Variants in VGLL4 observed in about 807,000 individuals in gnomAD.
VGLL4 encodes vestigial like family member 4, also known as transcription cofactor vestigial-like protein 4.
Under a neutral mutation model 21.0 loss-of-function variants are expected in VGLL4, and 7 were observed. The ratio of observed to expected loss-of-function variants is 0.33; its 90% CI spans 0.19 to 0.63. The LOEUF is 0.63. Ranked by LOEUF, VGLL4 falls within the 20% of genes least tolerant of loss-of-function variation. The probability of loss-of-function intolerance (pLI) is 0.78; values close to 1 mark genes in which losing one functional copy is unlikely to be tolerated. For synonymous variants in VGLL4, 222 were observed against 173.2 expected (o/e 1.28, Z -2.21); for missense variants, 394 against 425.7 (o/e 0.93, Z 0.66).
chr3:11,589,881 T>C (rs1019505712), intron 2 of VGLL4, among the ~76,000 whole-genome samples: 3 of 152,170 alleles, frequency 2.0e-5, no homozygotes, highest in South Asian at 2.1e-4. Context: ...GAAACCCTCA[T>C]CACCTCCCAA....
chr3:11,616,651 A>G (rs1326807838), intron 1 of VGLL4, among the ~76,000 whole-genome samples: 1 of 152,238 alleles, frequency 6.6e-6, no homozygotes, highest in Non-Finnish European at 1.5e-5. Flanking sequence ...TAAAAGGCTA[A>G]TTGTTGAATC....
At chr3:11,588,264 T>G (rs567291191) in intron 2 of VGLL4, among the ~76,000 whole-genome samples, 1 of 152,282 alleles carries the variant, frequency 6.6e-6, no homozygotes, top group Non-Finnish European at 1.5e-5. Flanking sequence ...TGGTGGAACT[T>G]GTAGACCAGG....
intron 2 of VGLL4, among the ~76,000 whole-genome samples, chr3:11,658,127 G>C (rs2075982789): frequency 6.6e-6 from 1 of 152,050 alleles, no homozygotes; most frequent in East Asian, 1.9e-4. Flanking sequence ...TAGAGATTGT[G>C]TCTGGCCACG....
At chr3:11,573,847 G>C (rs543695679) in intron 2 of VGLL4, among the ~76,000 whole-genome samples, 86 of 152,328 alleles carry the variant, frequency 5.6e-4, no homozygotes, top group South Asian at 1.0e-3. Context: ...ATCTGAAATA[G>C]GGTCTTTACC....
chr3:11,613,616 G>A (rs78504167), intron 1 of VGLL4, among the ~76,000 whole-genome samples: 3,729 of 152,294 alleles, frequency 0.024, 57 homozygotes, highest in Non-Finnish European at 0.035. Flanking sequence ...ACCAGTGACA[G>A]AGAAACATAG....
intron 2 of VGLL4, among the ~76,000 whole-genome samples, chr3:11,687,573 G>A (rs1575531608): frequency 6.6e-6 from 1 of 152,108 alleles, no homozygotes; most frequent in East Asian, 1.9e-4. Context: ...GCCTCCCACA[G>A]TGCTGGGATT....
In VGLL4 at chr3:11,557,249, G is replaced by A. The variant is rs1041067455; in HGVS notation, c.*1307C>T. The A allele has an allele frequency of 6.5e-6, 1 of 152,810 alleles. No homozygotes were observed. The highest frequency in any genetic ancestry group is 1.5e-5 in the Non-Finnish European group (1 of 68,044). The allele number at this position is 152,810 out of a possible 1,614,324, so 9.5% of individuals were successfully genotyped here. ...GCTATTAATATAGCAAATAATAAAT[G>A]CAGTAATAACAGTATAAAGTCAGAG... is the stretch of plus-strand genomic sequence containing the variant. On this transcript the variant is annotated 3_prime_UTR_variant, in exon 5 of 5. Coordinates refer to ENST00000430365, the MANE Select transcript of VGLL4 (RefSeq NM_001128219.3).
intron 1 of VGLL4, among the ~76,000 whole-genome samples, chr3:11,641,670 C>G (rs1165606111): frequency 6.6e-6 from 1 of 152,146 alleles, no homozygotes; most frequent in Non-Finnish European, 1.5e-5. Context: ...AAAATAGGAG[C>G]AGATGTTTAA....
intron 2 of VGLL4, among the ~76,000 whole-genome samples, chr3:11,588,522 T>G (rs1406148902): frequency 7.9e-5 from 12 of 152,096 alleles, no homozygotes; most frequent in Admixed American, 3.9e-4. Context: ...GTGGAAGGAT[T>G]CCAAGCAGAG....
In VGLL4 at chr3:11,567,294, A is replaced by G. The variant is rs370850952; in HGVS notation, c.273-2275T>C. 1.5e-4 allele frequency among the ~76,000 whole-genome samples: 23 copies of G among 152,314 alleles called. No individual in the cohort carries two copies. In the South Asian group the frequency reaches 4.6e-3, roughly 30 times the overall value. On this transcript the variant is annotated intron_variant, in intron 2 of 4. Coordinates refer to ENST00000430365, the MANE Select transcript of VGLL4 (RefSeq NM_001128219.3). ...GAGCGGCGCAGTGCAGCCCTCAGTG[A>G]GCGCCAAGAGAACCCTGTCAGCCCT...
intron 1 of VGLL4, among the ~76,000 whole-genome samples, chr3:11,628,757 T>G (rs147425524): frequency 0.015 from 2,301 of 152,270 alleles, 69 homozygotes; most frequent in African/African-American, 0.052. Context: ...GAGGCAGAGC[T>G]TGCAGTGAGC....
intron 1 of VGLL4, among the ~76,000 whole-genome samples, chr3:11,614,048 G>C (rs929377550): frequency 5.9e-5 from 9 of 152,210 alleles, no homozygotes; most frequent in African/African-American, 2.2e-4. Flanking sequence ...GTGTGAAAAT[G>C]GTAGTGTGAA....
intron 1 of VGLL4, among the ~76,000 whole-genome samples, chr3:11,703,745 A>G (rs1559954239): frequency 6.6e-6 from 1 of 152,200 alleles, no homozygotes; most frequent in Non-Finnish European, 1.5e-5. Flanking sequence ...TTTCTGGGTT[A>G]TTTAAACACA....
At chr3:11,576,279 G>A (rs1366094391) in intron 2 of VGLL4, among the ~76,000 whole-genome samples, 2 of 152,192 alleles carry the variant, frequency 1.3e-5, no homozygotes, top group Non-Finnish European at 2.9e-5. Context: ...CAAAACAGAT[G>A]TGTCCCACAT....
At position 11,719,282 on chromosome 3, in the gene VGLL4, C is replaced by A. The variant is rs1328920022; in HGVS notation, c.-14+1112G>T. The A allele has an allele frequency of 6.6e-6, 1 of 152,374 alleles. No homozygotes were observed. Among genetic ancestry groups the A allele is most frequent in the Admixed American group, 6.5e-5 (1 of 15,288 alleles). 9.4% of individuals were successfully genotyped at this position (152,374 alleles called of 1,614,324 possible). On this transcript the variant is annotated intron_variant, in intron 1 of 5. Transcript: ENST00000273038. The surrounding 1 kb of genome is among the most constrained non-coding windows in gnomAD (Gnocchi z 4.0). ...CTCCCACCGGCGCCTCCCGAGCGGC[C>A]CGGCAAGGACCCGCCACCTCCTCCC...
rs1241667226 is a variant in VGLL4 at position 11,557,129 on chromosome 3, G to C, written c.*1427C>G. 6.6e-6 allele frequency: 1 copy of C among 152,590 alleles called. No individual in the cohort carries two copies. The highest frequency in any genetic ancestry group is 1.5e-5 in the Non-Finnish European group (1 of 68,048). The allele number at this position is 152,590 out of a possible 1,614,324, so 9.5% of individuals were successfully genotyped here. ...CAGGTGGGACACAGCACACCCCAGG[G>C]GGAGGGGATAGAAACGCTCATTGAC... is the stretch of plus-strand genomic sequence containing the variant. On this transcript the variant is annotated 3_prime_UTR_variant, in exon 5 of 5. Coordinates refer to ENST00000430365, the MANE Select transcript of VGLL4 (RefSeq NM_001128219.3).
At chr3:11,580,994 T>A in intron 2 of VGLL4, among the ~76,000 whole-genome samples, 1 of 152,132 alleles carries the variant, frequency 6.6e-6, no homozygotes, top group South Asian at 2.1e-4. Flanking sequence ...TTGTATAACA[T>A]TGGTGTACAG....
intron 1 of VGLL4, among the ~76,000 whole-genome samples, chr3:11,641,598 C>T (rs1286777636): frequency 6.6e-6 from 1 of 152,176 alleles, no homozygotes; most frequent in African/African-American, 2.4e-5. Flanking sequence ...TTTTGCTGTG[C>T]TTTCCTTCAT....
chr3:11,594,808 C>T (rs1047455653), intron 2 of VGLL4, among the ~76,000 whole-genome samples: 6 of 152,204 alleles, frequency 3.9e-5, no homozygotes, highest in African/African-American at 1.2e-4. Context: ...TAGAGTGCCA[C>T]GCAGCTGAAA....
Sources: allele counts gnomAD v4.1 joint callset (sites outside exome capture counted in the v4.1 genomes callset), GRCh38; gene constraint gnomAD v4.1.1; non-coding constraint Gnocchi (gnomAD v3.1); transcripts MANE v1.5; gene names NCBI Gene and HGNC (gene_info 2026-07-23, HGNC 2026-07-21).